Variants in GPBP1L1 observed in about 807,000 individuals in gnomAD.
GPBP1L1 encodes vasculin-like protein 1.
A neutral mutation model predicts 52.5 loss-of-function variants in GPBP1L1; 23 were observed. The ratio of observed to expected loss-of-function variants is 0.44; its 90% CI spans 0.32 to 0.62. GPBP1L1 has a LOEUF of 0.62. Ranked by LOEUF, GPBP1L1 falls within the 20% of genes least tolerant of loss-of-function variation. The probability of loss-of-function intolerance (pLI) is 0.06; values close to 1 mark genes in which losing one functional copy is unlikely to be tolerated. For synonymous variants in GPBP1L1, 243 were observed against 203.1 expected (o/e 1.20, Z -1.67); for missense variants, 596 against 579.3 (o/e 1.03, Z -0.30).
rs72688454 is a variant in GPBP1L1 at position 45,632,021 on chromosome 1, G to A, written c.1045-1415C>T. Among the ~76,000 whole-genome samples, 1,127 of 152,130 alleles carry A rather than the reference G, an allele frequency of 7.4e-3. 12 individuals are homozygous for A. The highest frequency in any genetic ancestry group is 0.036 in the South Asian group (174 of 4,818). On this transcript the variant is annotated intron_variant, in intron 10 of 12. Transcript: ENST00000355105. ...GGATTACCTGAGGTCTGGAATCCGA[G>A]ACCAGCCTGACCAACATGGTGAAAC...
chr1:45,668,402 T>TCAG (rs1156445993), intron 2 of GPBP1L1, among the ~76,000 whole-genome samples: 10 of 152,154 alleles, frequency 6.6e-5, no homozygotes, highest in Admixed American at 3.3e-4. Context: ...GCCTGTCATC[T>TCAG]CAGCACTCTG....
In GPBP1L1 at chr1:45,683,612, C is replaced by T. The variant is rs1471772362; in HGVS notation, c.-1098+1964G>A. Among the ~76,000 whole-genome samples the T allele has an allele frequency of 3.3e-5, 5 of 151,214 alleles. No individual in the cohort carries two copies. The East Asian group carries it at 5.9e-4, about 18-fold the overall frequency. On this transcript the variant is annotated intron_variant, in intron 2 of 12. Transcript: ENST00000355105. The stretch of plus-strand genomic sequence containing the variant: ...TACTTAGACCTGGCGCTGTGGCTCA[C>T]GCCTGTAATCCCAACACTTTGGGAG...
intron 2 of GPBP1L1, among the ~76,000 whole-genome samples, chr1:45,679,106 T>C (rs1043496143): frequency 6.6e-6 from 1 of 152,190 alleles, no homozygotes; most frequent in Non-Finnish European, 1.5e-5. Flanking sequence ...AAACCACTGA[T>C]GTCCAGGCCT....
intron 2 of GPBP1L1, among the ~76,000 whole-genome samples, chr1:45,663,616 G>A (rs1208130954): frequency 4.6e-5 from 7 of 152,126 alleles, no homozygotes; most frequent in African/African-American, 1.7e-4. Flanking sequence ...GAGGAGATGC[G>A]CCATAAGTGG....
rs942613293 is a variant in GPBP1L1 at position 45,629,779 on chromosome 1, G to A, written c.1170-101C>T. On this transcript the variant is annotated intron_variant, in intron 11 of 12. Transcript: ENST00000355105. ...GAAAAGTTTTCTGCCCAGGGGCAAT[G>A]GATGTTAAAGAAGGAATTTTGTTTT... The A allele has an allele frequency of 1.6e-5, 12 of 749,232 alleles. No individual in the cohort carries two copies. In the African/African-American group the frequency reaches 1.9e-4, roughly 12 times the overall value. The allele number at this position is 749,232 out of a possible 1,614,324, so 46.4% of individuals were successfully genotyped here.
chr1:45,640,053 GAA>G (rs66580837), intron 8 of GPBP1L1, among the ~76,000 whole-genome samples, 155 bp downstream of exon 8: 15 of 144,552 alleles, frequency 1.0e-4, no homozygotes, highest in East Asian at 2.0e-4. Flanking sequence ...TAAAGAAAAA[GAA>G]AAAAAAAAAA....
At chr1:45,665,655 C>T (rs112652939) in intron 2 of GPBP1L1, among the ~76,000 whole-genome samples, 3,221 of 148,878 alleles carry the variant, frequency 0.022, 45 homozygotes, top group Non-Finnish European at 0.035. Flanking sequence ...GCAGGAGAAT[C>T]GCTTGAAACC....
intron 8 of GPBP1L1, among the ~76,000 whole-genome samples, chr1:45,639,756 C>T (rs1007455497): frequency 3.3e-5 from 5 of 151,992 alleles, no homozygotes; most frequent in African/African-American, 7.2e-5. Flanking sequence ...TGGCGGGCGC[C>T]TGTAGTCCCA....
At chr1:45,658,796 C>G in intron 4 of GPBP1L1, 1 of 461,094 alleles carries the variant, frequency 2.2e-6, no homozygotes, top group Non-Finnish European at 3.8e-6. Flanking sequence ...CAAAAATTAG[C>G]AGGGCGTGGT....
intron 2 of GPBP1L1, among the ~76,000 whole-genome samples, chr1:45,679,677 G>A (rs1161121299): frequency 6.6e-6 from 1 of 152,004 alleles, no homozygotes; most frequent in Non-Finnish European, 1.5e-5. Context: ...TCCAACACAG[G>A]AATCCTGCCA....
chr1:45,634,344 C>G, intron 8 of GPBP1L1, 108 bp from the exon 9 acceptor site: 1 of 1,126,472 alleles, frequency 8.9e-7, no homozygotes, highest in South Asian at 1.9e-5. Context: ...CATAAGTTTC[C>G]AGGGCTTACC....
At chr1:45,645,307 A>G (rs1644729956) in intron 6 of GPBP1L1, among the ~76,000 whole-genome samples, 1 of 152,168 alleles carries the variant, frequency 6.6e-6, no homozygotes, top group African/African-American at 2.4e-5. Context: ...TCCAAAGCTA[A>G]AACACCTCAT....
intron 2 of GPBP1L1, among the ~76,000 whole-genome samples, chr1:45,667,501 G>A (rs953619652): frequency 8.6e-5 from 13 of 151,920 alleles, no homozygotes; most frequent in African/African-American, 1.7e-4. Context: ...GCACCTCCCC[G>A]GCCAAGAGTC....
intron 7 of GPBP1L1, among the ~76,000 whole-genome samples, chr1:45,641,449 CACAT>C (rs999710342): frequency 6.6e-6 from 1 of 150,472 alleles, no homozygotes; most frequent in African/African-American, 2.5e-5. Flanking sequence ...TATATACACA[CACAT>C]ACACATAAAC....
chr1:45,657,308 T>TA (rs1396931371), intron 4 of GPBP1L1, among the ~76,000 whole-genome samples: 1 of 152,040 alleles, frequency 6.6e-6, no homozygotes, highest in Non-Finnish European at 1.5e-5. Context: ...CTGAGGCAGG[T>TA]ACATCGCTTG....
intron 6 of GPBP1L1, among the ~76,000 whole-genome samples, chr1:45,648,200 A>G (rs2148457001): frequency 6.6e-6 from 1 of 152,252 alleles, no homozygotes; most frequent in South Asian, 2.1e-4. Flanking sequence ...TCGACCTCCC[A>G]AAGTGCTGCA....
chr1:45,665,073 G>C (rs1644993532), intron 2 of GPBP1L1, among the ~76,000 whole-genome samples: 1 of 152,082 alleles, frequency 6.6e-6, no homozygotes, highest in Non-Finnish European at 1.5e-5. Context: ...TGGATCACCT[G>C]AAATCAGGAG....
intron 12 of GPBP1L1, among the ~76,000 whole-genome samples, 154 bp from the exon 13 acceptor site, chr1:45,628,562 G>C (rs1453100478): frequency 6.6e-6 from 1 of 152,164 alleles, no homozygotes; most frequent in Non-Finnish European, 1.5e-5. Flanking sequence ...TCTTATACCA[G>C]TACTTTTCAA....
intron 2 of GPBP1L1, among the ~76,000 whole-genome samples, chr1:45,684,015 T>C (rs942702184): frequency 2.6e-5 from 4 of 151,640 alleles, no homozygotes; most frequent in South Asian, 2.1e-4. Context: ...CCCAGCACTT[T>C]GGGAGGCCAA....
Sources: allele counts gnomAD v4.1 joint callset (sites outside exome capture counted in the v4.1 genomes callset), GRCh38; gene constraint gnomAD v4.1.1; transcripts MANE v1.5; gene names NCBI Gene and HGNC (gene_info 2026-07-23, HGNC 2026-07-21).